NBAS: variants seen among roughly 807,000 people sequenced by gnomAD.
NBAS encodes the protein NBAS subunit of NRZ tethering complex.
In NBAS, 219 loss-of-function variants were observed where a neutral mutation model predicts 302.5. The ratio of observed to expected loss-of-function variants is 0.72; its 90% CI spans 0.65 to 0.81. NBAS has a LOEUF of 0.81. Among genes scored for constraint, NBAS ranks in the 30% least tolerant of loss-of-function variants. The pLI is 0.00. For missense variants in NBAS, 2,932 were observed against 2,841.6 expected (o/e 1.03, Z -0.72); for synonymous variants, 1,118 against 1,021.6 (o/e 1.09, Z -1.80).
chr2:15,431,604 A>T (rs536529962), intron 21 of NBAS, among the ~76,000 whole-genome samples: 1 of 152,312 alleles, frequency 6.6e-6, no homozygotes, highest in South Asian at 2.1e-4. Flanking sequence ...TTTTAAAATG[A>T]TCTCATGGAT....
chr2:15,134,358 T>C, the NBAS span, among the ~76,000 whole-genome samples: 1 of 152,164 alleles, frequency 6.6e-6, no homozygotes, highest in African/African-American at 2.4e-5. Flanking sequence ...GGCTTCAGAC[T>C]TCCAGCTTCC....
the NBAS span, among the ~76,000 whole-genome samples, chr2:15,087,978 G>T: frequency 4.6e-5 from 7 of 152,206 alleles, no homozygotes; most frequent in Admixed American, 4.6e-4. Flanking sequence ...AGGCAGCATG[G>T]GCCAGAACAA....
At chr2:15,021,822 T>C in the NBAS span, among the ~76,000 whole-genome samples, 1 of 152,136 alleles carries the variant, frequency 6.6e-6, no homozygotes, top group Non-Finnish European at 1.5e-5. Flanking sequence ...CATAAAGCTC[T>C]CTCAGGTCAT....
the NBAS span, among the ~76,000 whole-genome samples, chr2:15,077,014 T>C: frequency 6.6e-6 from 1 of 152,226 alleles, no homozygotes; most frequent in African/African-American, 2.4e-5. Context: ...GTTTCAAGGC[T>C]TACACCACTG....
intron 48 of NBAS, among the ~76,000 whole-genome samples, chr2:15,199,889 AAGCTGGATTTTTT>A: frequency 6.6e-6 from 1 of 151,228 alleles, no homozygotes; most frequent in Non-Finnish European, 1.5e-5. Flanking sequence ...TAAAAACAGA[AAGCTGGATTTTTT>A]TTTTTTTTTT....
the NBAS span, among the ~76,000 whole-genome samples, chr2:14,794,147 C>T: frequency 1.4e-4 from 21 of 152,270 alleles, no homozygotes; most frequent in African/African-American, 4.8e-4. Flanking sequence ...TATTTTCCCC[C>T]TCCTTCCCCC....
chr2:14,915,734 G>A, the NBAS span, among the ~76,000 whole-genome samples: 2 of 152,104 alleles, frequency 1.3e-5, no homozygotes, highest in Non-Finnish European at 2.9e-5. Context: ...AGCTTATTTT[G>A]TATTTTTAGT....
At chr2:15,413,641 A>G (rs912760349) in intron 25 of NBAS, among the ~76,000 whole-genome samples, 1 of 152,344 alleles carries the variant, frequency 6.6e-6, no homozygotes. Context: ...TAGTGCATGC[A>G]TGGAGAGAAA....
In NBAS at chr2:15,215,540, T is replaced by G. The variant is rs143628529; in HGVS notation, c.6432+3233A>C. Among the ~76,000 whole-genome samples the G allele has an allele frequency of 8.5e-5, 13 of 152,346 alleles. No homozygotes were observed. In the East Asian group the frequency reaches 2.3e-3, roughly 27 times the overall value. ...CAATATCATTATCTATTCTTATCCT[T>G]ACTCTGTAAGAACTTGTCTCTATCC... On this transcript the variant is annotated intron_variant, in intron 48 of 51. Transcript: ENST00000281513.
At chr2:15,544,240 T>C (rs542778076) in intron 6 of NBAS, among the ~76,000 whole-genome samples, 3 of 152,208 alleles carry the variant, frequency 2.0e-5, no homozygotes, top group African/African-American at 7.2e-5. Flanking sequence ...AAGCCAAATA[T>C]GTAAATGTTA....
the NBAS span, among the ~76,000 whole-genome samples, chr2:15,103,408 G>A: frequency 6.6e-6 from 1 of 152,090 alleles, no homozygotes; most frequent in African/African-American, 2.4e-5. Context: ...AGGTGATTCT[G>A]ACATACATTA....
the NBAS span, among the ~76,000 whole-genome samples, chr2:15,129,969 G>T: frequency 6.6e-6 from 1 of 152,146 alleles, no homozygotes; most frequent in Admixed American, 6.5e-5. Context: ...GCCGCATTTT[G>T]TACATTCATG....
chr2:15,546,198 C>T (rs1664099417), intron 6 of NBAS, among the ~76,000 whole-genome samples: 1 of 151,906 alleles, frequency 6.6e-6, no homozygotes, highest in Non-Finnish European at 1.5e-5. Context: ...GTAACAGGTA[C>T]AGGAAAATGT....
the NBAS span, among the ~76,000 whole-genome samples, chr2:15,065,807 C>T: frequency 1.3e-5 from 2 of 152,066 alleles, no homozygotes. Context: ...TGCTAAATTG[C>T]CCCTACTAAA....
chr2:14,968,771 G>A, the NBAS span, among the ~76,000 whole-genome samples: 1 of 152,134 alleles, frequency 6.6e-6, no homozygotes, highest in Non-Finnish European at 1.5e-5. Context: ...AAGTTGCTTT[G>A]GAAACAGTTT....
chr2:15,109,476 G>T, the NBAS span, among the ~76,000 whole-genome samples: 2 of 152,144 alleles, frequency 1.3e-5, no homozygotes, highest in Non-Finnish European at 2.9e-5. Context: ...GAACTATGGG[G>T]TGCTATGTGA....
At chr2:15,290,128 GAGAGA>G (rs968774420) in intron 41 of NBAS, among the ~76,000 whole-genome samples, 8 of 151,700 alleles carry the variant, frequency 5.3e-5, no homozygotes, top group African/African-American at 1.5e-4. Flanking sequence ...GGAGAGAGGA[GAGAGA>G]AGAGAAGAGA....
the NBAS span, among the ~76,000 whole-genome samples, chr2:15,021,365 C>T: frequency 6.6e-6 from 1 of 152,030 alleles, no homozygotes; most frequent in Non-Finnish European, 1.5e-5. Flanking sequence ...AAGAGGCACA[C>T]TAAAGGGGGA....
intron 11 of NBAS, among the ~76,000 whole-genome samples, chr2:15,489,902 G>A (rs1169673089): frequency 2.6e-5 from 4 of 152,104 alleles, no homozygotes; most frequent in Non-Finnish European, 5.9e-5. Context: ...AAGGTAGCCT[G>A]CCCACAAAGA....
Sources: gnomAD v4.1 joint callset for allele counts (sites outside exome capture counted in the v4.1 genomes callset) on GRCh38, gnomAD v4.1.1 for gene constraint, MANE v1.5 for transcripts, NCBI Gene and HGNC (gene_info 2026-07-23, HGNC 2026-07-21) for gene names.